The following HERC4 variants were observed in gnomAD, a reference collection of about 807,000 sequenced individuals.
HERC4 encodes the protein HECT and RLD domain containing E3 ubiquitin protein ligase 4.
In HERC4, 28 loss-of-function variants were observed where a neutral mutation model predicts 124.3. The ratio of observed to expected loss-of-function variants is 0.23; its 90% CI spans 0.17 to 0.31. HERC4 has a LOEUF of 0.31. HERC4 is among the 10% of genes least tolerant of loss of function. The pLI is 1.00. For synonymous variants in HERC4, 407 were observed against 421.5 expected (o/e 0.97, Z 0.42); for missense variants, 713 against 1,229.3 (o/e 0.58, Z 6.28).
intron 3 of HERC4, chr10:68,067,742 G>A (rs1295479515): frequency 1.3e-5 from 2 of 152,128 alleles, no homozygotes; most frequent in Non-Finnish European, 2.9e-5. Flanking sequence ...ATTACCATTC[G>A]AGGATATGGA....
intron 16 of HERC4, chr10:67,966,182 T>C (rs2034853498): frequency 6.5e-6 from 1 of 153,420 alleles, no homozygotes; most frequent in African/African-American, 2.4e-5. Flanking sequence ...TTTCGTCATG[T>C]TGCCGAGGCT....
At chr10:67,984,436 A>G (rs192074447) in intron 15 of HERC4, among the ~76,000 whole-genome samples, 19 of 152,306 alleles carry the variant, frequency 1.2e-4, no homozygotes. Context: ...GTAGGATCTA[A>G]AAATCAAAAC....
In HERC4 at chr10:68,033,969, T is replaced by A. The variant is rs1363008267; in HGVS notation, c.681A>T (p.Glu227Asp). The A allele has an allele frequency of 1.2e-6, 2 of 1,612,936 alleles. No homozygotes were observed. Among genetic ancestry groups the A allele is most frequent in the South Asian group, 2.2e-5 (2 of 91,048 alleles). The change falls in exon 6 of 25, where the codon GAA (glutamate) becomes GAT (aspartate). Residue 227 changes from glutamate (E) to aspartate (D), a missense_variant. Physicochemically the swap from Glu to Asp is conservative, Grantham distance 45. Coordinates refer to ENST00000373700, the MANE Select transcript of HERC4 (RefSeq NM_015601.4). ...NKFGQLGLND[E>D]NDRYVPNLLK... ...CTATACATAATGAGAACCTACCATT[T>A]TCATCATTAAGACCTAGCTGACCAA...
At chr10:67,945,914 G>A (rs2033288796) in intron 19 of HERC4, among the ~76,000 whole-genome samples, 1 of 151,910 alleles carries the variant, frequency 6.6e-6, no homozygotes, top group Admixed American at 6.6e-5. Context: ...AGGAAGGAAG[G>A]AAGGAAGGAA....
chr10:67,979,599 G>C (rs118130792), intron 15 of HERC4, among the ~76,000 whole-genome samples: 14,351 of 152,000 alleles, frequency 0.094, 903 homozygotes, highest in Middle Eastern at 0.18. Flanking sequence ...GAAGACTGTA[G>C]AACACCAAGC....
intron 3 of HERC4, among the ~76,000 whole-genome samples, chr10:68,048,860 C>T (rs970712393): frequency 6.6e-6 from 1 of 152,020 alleles, no homozygotes; most frequent in African/African-American, 2.4e-5. Flanking sequence ...TTTTAAAAAA[C>T]CCACATACCA....
intron 9 of HERC4, among the ~76,000 whole-genome samples, chr10:68,012,165 G>A (rs1374764976): frequency 6.6e-6 from 1 of 152,100 alleles, no homozygotes; most frequent in Admixed American, 6.6e-5. Context: ...TGTTGTGGCT[G>A]GTGTGATTTT....
intron 15 of HERC4, among the ~76,000 whole-genome samples, chr10:67,973,950 G>T (rs1479952282): frequency 6.6e-6 from 1 of 151,334 alleles, no homozygotes; most frequent in Non-Finnish European, 1.5e-5. Flanking sequence ...GGGAGGCTGA[G>T]GCAGAAGAAT....
At chr10:67,996,080 AG>A (rs1430302040) in intron 9 of HERC4, 2 of 428,922 alleles carry the variant, frequency 4.7e-6, no homozygotes, top group Non-Finnish European at 9.3e-6. Context: ...CCAAGGTAGG[AG>A]GATCACTTGA....
At chr10:68,013,853 A>T (rs1421748924) in intron 9 of HERC4, among the ~76,000 whole-genome samples, 173 bp downstream of exon 9, 1 of 152,238 alleles carries the variant, frequency 6.6e-6, no homozygotes, top group African/African-American at 2.4e-5. Context: ...TTCCTTATGC[A>T]TTTACAAGTA....
In HERC4 at chr10:68,038,180, A is replaced by G. The variant is rs1347523444; in HGVS notation, c.387-11T>C. 4 of 1,425,130 alleles carry G rather than the reference A, an allele frequency of 2.8e-6. No individual in the cohort carries two copies. The highest frequency in any genetic ancestry group is 3.8e-6 in the Non-Finnish European group (4 of 1,051,736). The allele number at this position is 1,425,130 out of a possible 1,614,324, so 88.3% of individuals were successfully genotyped here. A position where few individuals can be genotyped will look rare whatever the true frequency, so the allele number is the denominator to read the frequency against. On this transcript the variant is annotated splice_polypyrimidine_tract_variant and intron_variant, in intron 4 of 24. Coordinates refer to ENST00000373700, the MANE Select transcript of HERC4 (RefSeq NM_015601.4). The stretch of plus-strand genomic sequence containing the variant: ...AAACTTTTAATATTTCTAGAAAAGA[A>G]GAAGACAGATCAAGACCAGTTAATT...
intron 15 of HERC4, among the ~76,000 whole-genome samples, chr10:67,976,981 A>G (rs551384150): frequency 6.6e-6 from 1 of 152,296 alleles, no homozygotes; most frequent in East Asian, 1.9e-4. Context: ...GCAGGCCACA[A>G]GGACCGCAAC....
chr10:68,039,271 A>ACTG, intron 4 of HERC4: 1 of 1,069,270 alleles, frequency 9.4e-7, no homozygotes, highest in South Asian at 2.3e-5. Context: ...AGCCAAGATC[A>ACTG]CACCATCGCA....
In HERC4 at chr10:68,073,079, C is replaced by G; in HGVS notation, c.30G>C (p.Gly10=). Residue 10 remains glycine, a synonymous_variant, in exon 3 of 25, where the codon GGG becomes GGC. Transcript: ENST00000373700. The part of the protein sequence containing the change: MLCWGNASF[G]QLGLGGIDEE... ...CATCAATTCCACCCAAACCTAGCTGCCCAAAGGATGCATTTCCCCAGCACA... is the reference window on the plus strand; with the variant it reads ...CATCAATTCCACCCAAACCTAGCTGGCCAAAGGATGCATTTCCCCAGCACA... 1 of 1,613,900 alleles carries G rather than the reference C, an allele frequency of 6.2e-7. No homozygotes were observed.
intron 20 of HERC4, among the ~76,000 whole-genome samples, chr10:67,940,112 G>C (rs1392708643): frequency 1.3e-5 from 2 of 151,966 alleles, no homozygotes; most frequent in African/African-American, 4.8e-5. Flanking sequence ...ATTTTTAGTA[G>C]AGACCAGGTT....
intron 9 of HERC4, among the ~76,000 whole-genome samples, chr10:68,006,670 G>A (rs1035467013): frequency 1.3e-5 from 2 of 152,062 alleles, no homozygotes; most frequent in African/African-American, 2.4e-5. Flanking sequence ...GAGCCACCAC[G>A]CCCGGCCACC....
At chr10:68,015,180 C>T (rs2038189705) in intron 8 of HERC4, among the ~76,000 whole-genome samples, 1 of 152,148 alleles carries the variant, frequency 6.6e-6, no homozygotes, top group African/African-American at 2.4e-5. Flanking sequence ...ACACTCTTTC[C>T]CTAACTATCT....
At chr10:67,923,726 A>G (rs529268769) in intron 24 of HERC4, among the ~76,000 whole-genome samples, 1 of 151,812 alleles carries the variant, frequency 6.6e-6, no homozygotes, top group Non-Finnish European at 1.5e-5. Context: ...GCTAATTTTT[A>G]TAGAGATGAG....
chr10:67,968,493 C>A lies in HERC4; in HGVS notation c.1807-1691G>T, dbSNP rs1456996305. Among the ~76,000 whole-genome samples the A allele has an allele frequency of 2.0e-5, 3 of 151,916 alleles. No homozygotes were observed. In the East Asian group the frequency reaches 5.8e-4, roughly 29 times the overall value. On this transcript the variant is annotated intron_variant, in intron 15 of 24. Coordinates refer to ENST00000373700, the MANE Select transcript of HERC4 (RefSeq NM_015601.4). Reference sequence around the variant, plus strand: ...GTTCATGCCATTCTCCTGCCACAGCCTCCTGAGTAGCTGGGACTACAGGCG... The same window carrying A: ...GTTCATGCCATTCTCCTGCCACAGCATCCTGAGTAGCTGGGACTACAGGCG...
Sources: gnomAD v4.1 joint callset for allele counts (sites outside exome capture counted in the v4.1 genomes callset) on GRCh38, gnomAD v4.1.1 for gene constraint, MANE v1.5 for transcripts, NCBI Gene and HGNC (gene_info 2026-07-23, HGNC 2026-07-21) for gene names.